LTBP1: variants seen among roughly 807,000 people sequenced by gnomAD.
The protein encoded by LTBP1 is latent transforming growth factor beta binding protein 1.
In LTBP1, 129 loss-of-function variants were observed where a neutral mutation model predicts 207.6. The observed-to-expected ratio is 0.62, with a 90% CI of 0.54 to 0.72. The LOEUF is 0.72. Among genes scored for constraint, LTBP1 ranks in the 30% least tolerant of loss-of-function variants. The pLI is 0.00. For synonymous variants in LTBP1, 963 were observed against 833.7 expected, an observed-to-expected ratio of 1.16 and a Z score of -2.67; for missense variants, 2,281 against 2,217.2, an observed-to-expected ratio of 1.03 and a Z score of -0.58.
At position 33,294,575 on chromosome 2, in the gene LTBP1, ATT is replaced by A. The variant is rs1181582118; in HGVS notation, c.3235+1312_3235+1313del. Among the ~76,000 whole-genome samples the A allele has an allele frequency of 5.2e-3, 651 of 124,780 alleles. 4 individuals are homozygous for A. The highest frequency in any genetic ancestry group is 0.018 in the African/African-American group (584 of 32,560). 81.9% of individuals were successfully genotyped at this position (124,780 alleles called of 152,430 possible). On this transcript the variant is annotated intron_variant, in intron 20 of 33. Transcript: ENST00000404816. Reference sequence around the variant, plus strand: ...CATAAAAGTGGAATTATTGGGTAAAATTTTTTTTTTTTTTTTTTTTGGAGACA... The same window carrying A: ...CATAAAAGTGGAATTATTGGGTAAAATTTTTTTTTTTTTTTTTTGGAGACA...
chr2:32,954,033 C>T (rs1199895054), intron 2 of LTBP1, among the ~76,000 whole-genome samples: 1 of 152,138 alleles, frequency 6.6e-6, no homozygotes, highest in African/African-American at 2.4e-5. Context: ...TCTTGATCTT[C>T]ACACCCTGTA....
chr2:33,265,956 C>G (rs78761458), intron 15 of LTBP1, among the ~76,000 whole-genome samples: 8,420 of 152,222 alleles, frequency 0.055, 784 homozygotes, highest in African/African-American at 0.19. Context: ...TAGAAATGTT[C>G]TCATATGTTA....
Position 33,203,933 on chromosome 2 carries a change from T to C in LTBP1, c.1702-13619T>C, listed in dbSNP as rs138673092. ...GCTTGAATTGATGGTTGATTTTGGCTCTATACATTTTAAGAAATGGTTTCA... is the reference window on the plus strand; with the variant it reads ...GCTTGAATTGATGGTTGATTTTGGCCCTATACATTTTAAGAAATGGTTTCA... On this transcript the variant is annotated intron_variant, in intron 7 of 33. Coordinates refer to ENST00000404816, the MANE Select transcript of LTBP1 (RefSeq NM_206943.4). Among the ~76,000 whole-genome samples, 164 of 152,316 alleles carry C rather than the reference T, an allele frequency of 1.1e-3. No individual in the cohort carries two copies. In the Middle Eastern group the frequency reaches 0.017, roughly 16 times the overall value.
At position 32,947,700 on chromosome 2, in the gene LTBP1, C is replaced by G; in HGVS notation, c.376C>G (p.Pro126Ala). The change falls in exon 1 of 34, where the codon CCG becomes GCG. Residue 126 changes from proline to alanine, a missense_variant. Physicochemically the swap from Pro to Ala is conservative, Grantham distance 27. Around this residue, in one of 3 missense-constraint regions of LTBP1, gnomAD observed 555 missense variants for 491.0 expected, o/e 1.13. Transcript: ENST00000404816. ...GQLHPNPGGH[P>A]AAAPFTKQGR... is the part of the protein sequence containing the mutation. ...GCTCCACCCCAATCCCGGCGGCCAC[C>G]CGGCAGCCGCCCCGTTCACCAAACA... 1 of 1,521,106 alleles carries G rather than the reference C, an allele frequency of 6.6e-7. No homozygotes were observed. Among genetic ancestry groups the G allele is most frequent in the Non-Finnish European group, 8.8e-7 (1 of 1,134,932 alleles). The allele number at this position is 1,521,106 out of a possible 1,614,324, so 94.2% of individuals were successfully genotyped here. A position where few individuals can be genotyped will look rare whatever the true frequency, so the allele number is the denominator to read the frequency against.
chr2:33,349,356 G>A (rs567733007), intron 26 of LTBP1, among the ~76,000 whole-genome samples: 95 of 151,824 alleles, frequency 6.3e-4, no homozygotes, highest in Non-Finnish European at 1.0e-3. Flanking sequence ...CATGGGAATC[G>A]CTTGAACACA....
rs1234800873 is a variant in LTBP1, at chr2:33,203,689, A to G, written c.1702-13863A>G. 2.0e-5 allele frequency among the ~76,000 whole-genome samples: 3 copies of G among 152,140 alleles called. No homozygotes were observed. The East Asian group carries it at 5.8e-4, about 29-fold the overall frequency. On this transcript the variant is annotated intron_variant, in intron 7 of 33. Coordinates refer to ENST00000404816, the MANE Select transcript of LTBP1 (RefSeq NM_206943.4). Reference sequence around the variant, plus strand: ...TCATGACGTGGAATATCAAATTACCATATTTTATACCTCTAGGGCTCTATA... The same window carrying G: ...TCATGACGTGGAATATCAAATTACCGTATTTTATACCTCTAGGGCTCTATA...
At chr2:33,091,318 A>G (rs192481368) in intron 3 of LTBP1, among the ~76,000 whole-genome samples, 6 of 152,270 alleles carry the variant, frequency 3.9e-5, no homozygotes, top group Admixed American at 3.3e-4. Context: ...TCTCTGGTCT[A>G]TGAGCAGCTT....
chr2:32,955,073 A>G (rs1287353408), intron 2 of LTBP1, among the ~76,000 whole-genome samples: 3 of 152,220 alleles, frequency 2.0e-5, no homozygotes, highest in Admixed American at 6.5e-5. Flanking sequence ...TTGAATCAAA[A>G]TCTTTGGGGT....
intron 3 of LTBP1, among the ~76,000 whole-genome samples, chr2:33,109,356 T>G (rs2080256283): frequency 6.6e-6 from 1 of 152,244 alleles, no homozygotes; most frequent in Admixed American, 6.5e-5. Flanking sequence ...TGGGTCAGAT[T>G]ACATTAGAGA....
chr2:33,374,820 C>T (rs1558317799), intron 31 of LTBP1, among the ~76,000 whole-genome samples: 1 of 152,082 alleles, frequency 6.6e-6, no homozygotes, highest in African/African-American at 2.4e-5. Flanking sequence ...GGTGTGGTGG[C>T]GTGTGCCTCT....
chr2:33,077,044 TG>T (rs1558603602), intron 3 of LTBP1, among the ~76,000 whole-genome samples: 1 of 152,120 alleles, frequency 6.6e-6, no homozygotes, highest in Non-Finnish European at 1.5e-5. Context: ...GCTAGAGAGG[TG>T]ATATTGCTGT....
chr2:32,959,621 A>ATATATATATATATTTTTTTTTT (rs1475834284), intron 2 of LTBP1, among the ~76,000 whole-genome samples: 2 of 36,668 alleles, frequency 5.5e-5, no homozygotes, highest in African/African-American at 1.9e-4. Flanking sequence ...ATATATATAT[A>ATATATATATATATTTTTTTTTT]TTTTTTTTTT....
chr2:33,099,809 C>T (rs539187771), intron 3 of LTBP1, among the ~76,000 whole-genome samples: 4 of 152,262 alleles, frequency 2.6e-5, no homozygotes, highest in African/African-American at 9.6e-5. Context: ...TCTCATAGTG[C>T]TTTAGTGTCA....
intron 9 of LTBP1, among the ~76,000 whole-genome samples, chr2:33,225,756 A>C (rs182845615): frequency 6.6e-6 from 1 of 152,086 alleles, no homozygotes; most frequent in Non-Finnish European, 1.5e-5. Context: ...CCCAGCCTCT[A>C]GTTATCTTCT....
intron 15 of LTBP1, 143 bp downstream of exon 15, chr2:33,263,535 T>A (rs1558909292): frequency 8.7e-6 from 5 of 573,044 alleles, no homozygotes; most frequent in Non-Finnish European, 9.3e-6. Context: ...CTAAATACAG[T>A]TAAAAAGGAG....
At chr2:33,192,596 A>G (rs1305015898) in intron 7 of LTBP1, among the ~76,000 whole-genome samples, 5 of 152,208 alleles carry the variant, frequency 3.3e-5, no homozygotes, top group African/African-American at 1.2e-4. Context: ...TAAGTGTAAT[A>G]TATTCACCTT....
At chr2:33,259,450 C>G (rs2092952065) in intron 12 of LTBP1, 138 bp from the exon 13 acceptor site, 1 of 540,612 alleles carries the variant, frequency 1.8e-6, no homozygotes, top group African/African-American at 1.9e-5. Flanking sequence ...GCAGATGATC[C>G]TAATTCTGCA....
Position 32,947,028 on chromosome 2 carries a change from G to A in LTBP1, c.-297G>A, listed in dbSNP as rs1338564324. ...GCTGCGGCGCGCGCTGCAACCCCCGGCCGGACGCGCGGACCCTCACCTTGC... is the reference window on the plus strand; with the variant it reads ...GCTGCGGCGCGCGCTGCAACCCCCGACCGGACGCGCGGACCCTCACCTTGC... On this transcript the variant is annotated 5_prime_UTR_variant, in exon 1 of 34. Transcript: ENST00000404816. 2 of 238,410 alleles carry A rather than the reference G, an allele frequency of 8.4e-6. No homozygotes were observed. Among genetic ancestry groups the A allele is most frequent in the Non-Finnish European group, 1.6e-5 (2 of 124,460 alleles). The allele number at this position is 238,410 out of a possible 1,614,324, so 14.8% of individuals were successfully genotyped here.
intron 1 of LTBP1, 73 bp from the exon 2 acceptor site, chr2:32,948,802 A>G: frequency 7.1e-7 from 1 of 1,400,208 alleles, no homozygotes; most frequent in Non-Finnish European, 1.0e-6. Flanking sequence ...CCTTTCTGGA[A>G]CATGCTGGAA....
Sources: allele counts gnomAD v4.1 joint callset (sites outside exome capture counted in the v4.1 genomes callset), GRCh38; gene constraint gnomAD v4.1.1; regional missense constraint gnomAD v4.1.1; transcripts MANE v1.5; gene names NCBI Gene and HGNC (gene_info 2026-07-23, HGNC 2026-07-21).